PPFIA3: variants seen among roughly 807,000 people sequenced by gnomAD.
The protein encoded by PPFIA3 is liprin-alpha-3.
Under a neutral mutation model 145.8 loss-of-function variants are expected in PPFIA3, and 26 were observed. The observed-to-expected ratio is 0.18, with a 90% CI of 0.13 to 0.25. The LOEUF is 0.25. Ranked by LOEUF, PPFIA3 falls within the 10% of genes least tolerant of loss-of-function variation. The probability of loss-of-function intolerance (pLI) is 1.00; values close to 1 mark genes in which losing one functional copy is unlikely to be tolerated. For missense variants in PPFIA3, 1,008 were observed against 1,587.8 expected (o/e 0.63, Z 6.21); for synonymous variants, 645 against 661.4 (o/e 0.98, Z 0.38).
Position 49,139,656 on chromosome 19 carries a change from C to T in PPFIA3, c.2077-12C>T, listed in dbSNP as rs750821197. 6.4e-7 allele frequency: 1 copy of T among 1,569,712 alleles called. No individual in the cohort carries two copies. The highest frequency in any genetic ancestry group is 1.2e-5 in the South Asian group (1 of 84,576). On this transcript the variant is annotated splice_polypyrimidine_tract_variant and intron_variant, in intron 16 of 29. Transcript: ENST00000334186. The stretch of plus-strand genomic sequence containing the variant: ...TTGAACTCAATCCAGCATCTGTGCC[C>T]TCTGTCCTCAGAATCATGTCCCTAA...
chr19:49,128,693 G>A lies in PPFIA3; in HGVS notation c.343-155G>A, dbSNP rs2041033931. Reference sequence around the variant, plus strand: ...CTCTTTTCTGTACCACCGGTTCCTTGACCCCGACCTCCTCTCTTTTCCTGA... The same window carrying A: ...CTCTTTTCTGTACCACCGGTTCCTTAACCCCGACCTCCTCTCTTTTCCTGA... On this transcript the variant is annotated intron_variant, in intron 3 of 29. Transcript: ENST00000334186. The surrounding 1 kb of genome is among the most constrained non-coding windows in gnomAD (Gnocchi z 4.1). 6 of 837,642 alleles carry A rather than the reference G, an allele frequency of 7.2e-6. No homozygotes were observed. The highest frequency in any genetic ancestry group is 7.3e-6 in the Non-Finnish European group (4 of 546,818). 51.9% of individuals were successfully genotyped at this position (837,642 alleles called of 1,614,324 possible).
In PPFIA3 at chr19:49,149,940, G is replaced by C. The variant is rs1600357200; in HGVS notation, c.3527-140G>C. On this transcript the variant is annotated intron_variant, in intron 28 of 29. Transcript: ENST00000334186. This position sits in a 1 kb window ranked among gnomAD's most constrained non-coding sequence, Gnocchi z 5.7. ...TCGCCCAATGCGAGTTTGAGTCCTT[G>C]GCTGCGGGGAAGGGAGGGAAACCCA... is the stretch of plus-strand genomic sequence containing the variant. The C allele has an allele frequency of 8.4e-7, 1 of 1,188,426 alleles. No individual in the cohort carries two copies. Among genetic ancestry groups the C allele is most frequent in the East Asian group, 2.6e-5 (1 of 39,068 alleles). 73.6% of individuals were successfully genotyped at this position (1,188,426 alleles called of 1,614,324 possible).
In PPFIA3 at chr19:49,138,201, T is replaced by C. The variant is rs1267988102; in HGVS notation, c.1854-4T>C. On this transcript the variant is annotated splice_region_variant and splice_polypyrimidine_tract_variant and intron_variant, in intron 15 of 29. Transcript: ENST00000334186. ...CACCCAGTTTCCCCTATTTCCCTCC[T>C]CAGGCTGATCCAAGAGGAGAAGGAG... The C allele has an allele frequency of 1.3e-6, 2 of 1,585,370 alleles. No individual in the cohort carries two copies. The highest frequency in any genetic ancestry group is 1.7e-6 in the Non-Finnish European group (2 of 1,159,076).
chr19:49,148,466 C>T (rs2041304323), intron 24 of PPFIA3, 200 bp from the exon 25 acceptor site: 1 of 744,402 alleles, frequency 1.3e-6, no homozygotes, highest in Admixed American at 2.9e-5. Flanking sequence ...GCTAGTTAAC[C>T]CTGGACCCCT....
chr19:49,148,483 C>T (rs2041304569), intron 24 of PPFIA3, 183 bp from the exon 25 acceptor site: 1 of 724,410 alleles, frequency 1.4e-6, no homozygotes, highest in Non-Finnish European at 2.3e-6. Flanking sequence ...CCCTTCCAGG[C>T]TGGCCAGTAG....
chr19:49,138,404 G>T lies in PPFIA3; in HGVS notation c.2053G>T (p.Ala685Ser). 6.4e-7 allele frequency: 1 copy of T among 1,555,906 alleles called. No individual in the cohort carries two copies. The change falls in exon 16 of 30, where the codon GCC becomes TCC. Residue 685 changes from alanine (A) to serine (S), a missense_variant. Around this residue, in one of 11 missense-constraint regions of PPFIA3, gnomAD observed 202 missense variants for 241.8 expected, o/e 0.84. Coordinates refer to ENST00000334186, the MANE Select transcript of PPFIA3 (RefSeq NM_003660.4). ...ACCCCGCCTGGCACCCCCTAGCCCT[G>T]CCCGTGAGGGCACCGACAAGGCTGT... ...STPRLAPPSPAREGTDKANHV... is the reference protein window; with the variant it reads ...STPRLAPPSPSREGTDKANHV...
At chr19:49,135,446 C>G (rs2041126693) in intron 13 of PPFIA3, among the ~76,000 whole-genome samples, 1 of 152,198 alleles carries the variant, frequency 6.6e-6, no homozygotes, top group African/African-American at 2.4e-5. Flanking sequence ...GATCTCAGCT[C>G]ACTGCAACCT....
At position 49,130,216 on chromosome 19, in the gene PPFIA3, C is replaced by G; in HGVS notation, c.657+149C>G. On this transcript the variant is annotated intron_variant, in intron 6 of 29. Transcript: ENST00000334186. The surrounding 1 kb of genome is among the most constrained non-coding windows in gnomAD (Gnocchi z 4.5). ...AGCTTGGACCTCTGATTCAGGTCAC[C>G]TAGCGAACTTCTGTGACCTCCTTCA... 8.7e-7 allele frequency: 1 copy of G among 1,145,238 alleles called. No homozygotes were observed. The highest frequency in any genetic ancestry group is 1.2e-6 in the Non-Finnish European group (1 of 818,574). The allele number at this position is 1,145,238 out of a possible 1,614,324, so 70.9% of individuals were successfully genotyped here.
At position 49,145,690 on chromosome 19, in the gene PPFIA3, T is replaced by C. The variant is rs1281081434; in HGVS notation, c.2746-253T>C. The C allele has an allele frequency of 5.6e-6, 3 of 534,392 alleles. No homozygotes were observed. In the Admixed American group the frequency reaches 9.6e-5, roughly 17 times the overall value. The allele number at this position is 534,392 out of a possible 1,614,324, so 33.1% of individuals were successfully genotyped here. A position where few individuals can be genotyped will look rare whatever the true frequency, so the allele number is the denominator to read the frequency against. Reference sequence around the variant, plus strand: ...TGTGAGGTCAGCGAGGTGACGTCATTTGCACAGGGCCACACAGCAAAATGC... The same window carrying C: ...TGTGAGGTCAGCGAGGTGACGTCATCTGCACAGGGCCACACAGCAAAATGC... On this transcript the variant is annotated intron_variant, in intron 21 of 29. Transcript: ENST00000334186.
At chr19:49,134,990 C>T (rs1030758583) in intron 13 of PPFIA3, 75 bp downstream of exon 13, 2 of 1,290,744 alleles carry the variant, frequency 1.5e-6, no homozygotes, top group South Asian at 3.1e-5. Flanking sequence ...CCTTCTGATC[C>T]CCACTTCCTG....
At chr19:49,126,229 T>C (rs12973302) in intron 1 of PPFIA3, among the ~76,000 whole-genome samples, 5,271 of 151,810 alleles carry the variant, frequency 0.035, 160 homozygotes, top group South Asian at 0.084. Context: ...ATTACATGAG[T>C]GGGCCACCTT....
In PPFIA3 at chr19:49,149,402, C is replaced by A; in HGVS notation, c.3354+77C>A. 1 of 1,593,834 alleles carries A rather than the reference C, an allele frequency of 6.3e-7. No homozygotes were observed. Among genetic ancestry groups the A allele is most frequent in the Non-Finnish European group, 8.6e-7 (1 of 1,163,832 alleles). ...GCTGAGCTGAGGGGGCGGGGCCTGA[C>A]TATTAATGGTCACGGTTGGAGGCGG... is the stretch of plus-strand genomic sequence containing the variant. On this transcript the variant is annotated intron_variant, in intron 27 of 29. Coordinates refer to ENST00000334186, the MANE Select transcript of PPFIA3 (RefSeq NM_003660.4). This position sits in a 1 kb window ranked among gnomAD's most constrained non-coding sequence, Gnocchi z 5.7.
chr19:49,150,282 C>G lies in PPFIA3; in HGVS notation c.*60C>G. 7 of 885,586 alleles carry G rather than the reference C, an allele frequency of 7.9e-6. No individual in the cohort carries two copies. Among genetic ancestry groups the G allele is most frequent in the Non-Finnish European group, 1.2e-5 (7 of 591,200 alleles). 54.9% of individuals were successfully genotyped at this position (885,586 alleles called of 1,614,324 possible). A position where few individuals can be genotyped will look rare whatever the true frequency, so the allele number is the denominator to read the frequency against. On this transcript the variant is annotated 3_prime_UTR_variant, in exon 30 of 30. Coordinates refer to ENST00000334186, the MANE Select transcript of PPFIA3 (RefSeq NM_003660.4). Reference sequence around the variant, plus strand: ...AATCTTCCCGAGGCTGGGCTGTTCCCTCTCCTGCCCGGACTGTGGCCTCGC... The same window carrying G: ...AATCTTCCCGAGGCTGGGCTGTTCCGTCTCCTGCCCGGACTGTGGCCTCGC...
At chr19:49,126,532 T>C (rs2041001335) in intron 1 of PPFIA3, among the ~76,000 whole-genome samples, 1 of 151,058 alleles carries the variant, frequency 6.6e-6, no homozygotes, top group Non-Finnish European at 1.5e-5. Flanking sequence ...ATTACAGGCA[T>C]GAGCCACTGC....
chr19:49,141,092 A>T (rs1827131940), intron 18 of PPFIA3, among the ~76,000 whole-genome samples: 1 of 152,162 alleles, frequency 6.6e-6, no homozygotes, highest in Admixed American at 6.5e-5. Flanking sequence ...GTAGCTTGAA[A>T]TTGGCCATGG....
intron 15 of PPFIA3, chr19:49,137,201 T>A: frequency 3.2e-6 from 1 of 315,618 alleles, no homozygotes; most frequent in Non-Finnish European, 5.8e-6. Flanking sequence ...GAATCTTCCA[T>A]TACGCCATCG....
rs555505112 is a variant in PPFIA3 at position 49,120,485 on chromosome 19, AC to A, written c.-16+767del. Reference sequence around the variant, plus strand: ...CATGGCACCCGGGGATGCAGCTCCCACCCCGTTCGGGAAGCCTGTCCGTGTC... The same window carrying A: ...CATGGCACCCGGGGATGCAGCTCCCACCCGTTCGGGAAGCCTGTCCGTGTC... On this transcript the variant is annotated intron_variant, in intron 1 of 29. Transcript: ENST00000334186. The surrounding 1 kb of genome is among the most constrained non-coding windows in gnomAD (Gnocchi z 4.6). Among the ~76,000 whole-genome samples, 46 of 151,422 alleles carry A rather than the reference AC, an allele frequency of 3.0e-4. No homozygotes were observed. The highest frequency in any genetic ancestry group is 1.1e-3 in the African/African-American group (46 of 41,244).
chr19:49,138,703 C>A (rs1347099436), intron 16 of PPFIA3, among the ~76,000 whole-genome samples: 1 of 152,186 alleles, frequency 6.6e-6, no homozygotes, highest in Non-Finnish European at 1.5e-5. Flanking sequence ...GGTGCGGTGG[C>A]TCACGCCTGT....
intron 1 of PPFIA3, among the ~76,000 whole-genome samples, chr19:49,122,808 G>A (rs1480046906): frequency 9.0e-5 from 13 of 144,076 alleles, no homozygotes; most frequent in Non-Finnish European, 1.6e-4. Context: ...TGCAAGCTCC[G>A]CCTTCTGGGT....
Sources: gnomAD v4.1 joint callset for allele counts (sites outside exome capture counted in the v4.1 genomes callset) on GRCh38, gnomAD v4.1.1 for gene constraint, gnomAD v4.1.1 regional missense constraint, Gnocchi (gnomAD v3.1) non-coding constraint, MANE v1.5 for transcripts, NCBI Gene and HGNC (gene_info 2026-07-23, HGNC 2026-07-21) for gene names.